MYBBP1A: variants seen among roughly 807,000 people sequenced by gnomAD.
The protein encoded by MYBBP1A is MYB binding protein 1a, also known as myb-binding protein 1A.
MYBBP1A carries 147 observed loss-of-function variants against 136.3 expected under a neutral mutation model. The observed-to-expected ratio is 1.08, with a 90% CI of 0.94 to 1.24. MYBBP1A has a LOEUF of 1.24. MYBBP1A is among the 50% of genes most tolerant of loss of function. The pLI, the probability that MYBBP1A is intolerant of heterozygous loss-of-function variation, is 0.00. For missense variants in MYBBP1A, 2,060 were observed against 1,727.4 expected (o/e 1.19, Z -3.41); for synonymous variants, 947 against 735.8 (o/e 1.29, Z -4.65).
intron 24 of MYBBP1A, among the ~76,000 whole-genome samples, chr17:4,541,080 CTGCCCTGA>C (rs1906373724): frequency 6.6e-6 from 1 of 152,270 alleles, no homozygotes; most frequent in Non-Finnish European, 1.5e-5. Flanking sequence ...CCTCCCAGCC[CTGCCCTGA>C]TGGCTGCCCA....
chr17:4,545,218 C>T (rs754807664), intron 16 of MYBBP1A, 41 bp downstream of exon 16: 13 of 1,612,908 alleles, frequency 8.1e-6, no homozygotes, highest in Non-Finnish European at 1.0e-5. Flanking sequence ...CCCCGATCGT[C>T]CCACTCCCCA....
intron 18 of MYBBP1A, 25 bp downstream of exon 18, chr17:4,544,725 TG>T: frequency 1.6e-6 from 1 of 628,908 alleles, no homozygotes; most frequent in Non-Finnish European, 2.4e-6. Context: ...GAGGCGGGGG[TG>T]GGTGCGGCCC....
intron 8 of MYBBP1A, among the ~76,000 whole-genome samples, chr17:4,551,479 C>T (rs1036126068): frequency 2.0e-5 from 3 of 152,298 alleles, no homozygotes; most frequent in Middle Eastern, 3.4e-3. Flanking sequence ...GAGGCCAAGG[C>T]GGGTGGATCA....
intron 14 of MYBBP1A, 37 bp from the exon 15 acceptor site, chr17:4,545,798 G>A (rs56038201): frequency 0.012 from 19,039 of 1,607,920 alleles, 162 homozygotes; most frequent in Non-Finnish European, 0.014. Context: ...ATAGGGGACC[G>A]CTGGCCCCAC....
Position 4,544,591 on chromosome 17 carries a change from A to G in MYBBP1A, c.2537T>C (p.Leu846Pro), listed in dbSNP as rs1307898898. The change falls in exon 19 of 26, where the codon CTG (leucine) becomes CCG (proline). Residue 846 changes from leucine to proline, a missense_variant. Physicochemically the swap from Leu to Pro is moderately conservative, Grantham distance 98 (BLOSUM62 -3). Transcript: ENST00000254718. Reference sequence around the variant, plus strand: ...GCTCAGCAGCGGCTCCAGCAGCTCCAGGACCAGGGCATTCTCGGGCTGCTT... The same window carrying G: ...GCTCAGCAGCGGCTCCAGCAGCTCCGGGACCAGGGCATTCTCGGGCTGCTT... ...VTKQPENALV[L>P]ELLEPLLSII... The G allele has an allele frequency of 1.3e-6, 2 of 1,581,274 alleles. No individual in the cohort carries two copies. The highest frequency in any genetic ancestry group is 8.6e-7 in the Non-Finnish European group (1 of 1,164,250).
In MYBBP1A at chr17:4,539,206, G is replaced by A. The variant is rs946211009; in HGVS notation, c.*209C>T. Reference sequence around the variant, plus strand: ...GGTCCCAGCCCAGAACCGGGGGTGGGGAGGTCTCTGCACCCTGGGACCCCT... The same window carrying A: ...GGTCCCAGCCCAGAACCGGGGGTGGAGAGGTCTCTGCACCCTGGGACCCCT... On this transcript the variant is annotated 3_prime_UTR_variant, in exon 26 of 26. Coordinates refer to ENST00000254718, the MANE Select transcript of MYBBP1A (RefSeq NM_014520.4). The A allele has an allele frequency of 4.1e-6, 6 of 1,454,688 alleles. No homozygotes were observed. The highest frequency in any genetic ancestry group is 1.5e-5 in the South Asian group (1 of 68,748). 90.1% of individuals were successfully genotyped at this position (1,454,688 alleles called of 1,614,324 possible).
Position 4,549,457 on chromosome 17 carries a change from G to A in MYBBP1A, c.1320-15C>T, listed in dbSNP as rs751578849. The A allele has an allele frequency of 4.3e-6, 7 of 1,609,224 alleles. No homozygotes were observed. The Admixed American group carries it at 1.2e-4, about 27-fold the overall frequency. On this transcript the variant is annotated splice_polypyrimidine_tract_variant and intron_variant, in intron 9 of 25. Coordinates refer to ENST00000254718, the MANE Select transcript of MYBBP1A (RefSeq NM_014520.4). ...CTCGCTCAGGCCTAGCGGGGCAGGA[G>A]GCGAGGTCATGTGAGCCACTTATAA...
chr17:4,554,011 G>C lies in MYBBP1A; in HGVS notation c.453+8C>G, dbSNP rs1395006841. 12 of 1,614,038 alleles carry C rather than the reference G, an allele frequency of 7.4e-6. No homozygotes were observed. The highest frequency in any genetic ancestry group is 1.0e-5 in the Non-Finnish European group (12 of 1,180,016). ...CCTACATTCCCCCAGTCCCTCCAAA[G>C]CTCTTACCTTCACCAGCCGACCTGA... On this transcript the variant is annotated splice_region_variant and intron_variant, in intron 4 of 25. Coordinates refer to ENST00000254718, the MANE Select transcript of MYBBP1A (RefSeq NM_014520.4).
chr17:4,551,561 T>C (rs1907501070), intron 8 of MYBBP1A, among the ~76,000 whole-genome samples: 1 of 152,098 alleles, frequency 6.6e-6, no homozygotes, highest in East Asian at 1.9e-4. Context: ...ATACAAAAAT[T>C]AGCTGGGCGT....
intron 17 of MYBBP1A, 40 bp downstream of exon 17, chr17:4,544,986 G>GCCCCGCCCCC: frequency 6.8e-7 from 1 of 1,464,174 alleles, no homozygotes; most frequent in Non-Finnish European, 9.1e-7. Context: ...GGACACCCGA[G>GCCCCGCCCCC]CCCTCCCCGG....
chr17:4,554,976 C>T lies in MYBBP1A; in HGVS notation c.199-20G>A, dbSNP rs1184689964. 6.2e-7 allele frequency: 1 copy of T among 1,612,786 alleles called. No individual in the cohort carries two copies. Among genetic ancestry groups the T allele is most frequent in the South Asian group, 1.1e-5 (1 of 91,034 alleles). ...GGACCCCTGCGGAACCAAGCACACC[C>T]TCGTGTTCAATGGTGACAACAAGGT... is the stretch of plus-strand genomic sequence containing the variant. On this transcript the variant is annotated intron_variant, in intron 1 of 25. Coordinates refer to ENST00000254718, the MANE Select transcript of MYBBP1A (RefSeq NM_014520.4).
Position 4,550,112 on chromosome 17 carries a change from A to G in MYBBP1A, c.1265T>C (p.Leu422Ser). ...AMFLQPDLDS[L>S]VDFSTNNQKK... ...CTGGTTGTTGGTGCTGAAGTCAACC[A>G]AGGAGTCCAGGTCTGGCTGGAGAAA... is the stretch of plus-strand genomic sequence containing the variant. Residue 422 changes from leucine (L) to serine (S), a missense_variant, in exon 9 of 26, where the codon TTG (leucine) becomes TCG (serine). Physicochemically the swap from Leu to Ser is moderately radical, Grantham distance 145. Transcript: ENST00000254718. 1 of 1,614,032 alleles carries G rather than the reference A, an allele frequency of 6.2e-7. No homozygotes were observed. The highest frequency in any genetic ancestry group is 1.7e-5 in the Admixed American group (1 of 60,024).
chr17:4,552,525 G>A lies in MYBBP1A; in HGVS notation c.663C>T (p.Ala221=). 6.8e-6 allele frequency: 11 copies of A among 1,613,980 alleles called. No homozygotes were observed. The highest frequency in any genetic ancestry group is 8.5e-6 in the Non-Finnish European group (10 of 1,180,038). Residue 221 remains alanine, a synonymous_variant, in exon 6 of 26, where the codon GCC becomes GCT. Coordinates refer to ENST00000254718, the MANE Select transcript of MYBBP1A (RefSeq NM_014520.4). This position sits in a 1 kb window ranked among gnomAD's most constrained non-coding sequence, Gnocchi z 4.7. ...SPEQLELFLL[A]QQKVPSKLKK... ...TGAGCTTGGAGGGCACCTTCTGCTG[G>A]GCCAGGAGGAAGAGCTCTAGCTGTT...
At chr17:4,546,308 G>C (rs1032359653) in intron 13 of MYBBP1A, among the ~76,000 whole-genome samples, 2 of 152,136 alleles carry the variant, frequency 1.3e-5, no homozygotes, top group Non-Finnish European at 2.9e-5. Flanking sequence ...GAGTAGAGAC[G>C]GGGTTTCACC....
In MYBBP1A at chr17:4,554,947, T is replaced by C. The variant is rs772471769; in HGVS notation, c.208A>G (p.Met70Val). The C allele has an allele frequency of 1.2e-6, 2 of 1,613,502 alleles. No individual in the cohort carries two copies. Among genetic ancestry groups the C allele is most frequent in the East Asian group, 2.2e-5 (1 of 44,870 alleles). The stretch of plus-strand genomic sequence containing the variant: ...ATTAGACGCTTCAGGGCATATTTCA[T>C]CTCGGACCCCTGCGGAACCAAGCAC... ...YLRGRPKGSE[M>V]KYALKRLITG... is the part of the protein sequence containing the mutation. Residue 70 changes from methionine to valine, a missense_variant, in exon 2 of 26, where the codon ATG (methionine) becomes GTG (valine). By Grantham distance (21) the Met-to-Val change is conservative. Transcript: ENST00000254718.
chr17:4,543,299 G>A (rs370300393), intron 19 of MYBBP1A, 134 bp from the exon 20 acceptor site: 2 of 1,290,762 alleles, frequency 1.5e-6, no homozygotes, highest in Non-Finnish European at 1.0e-6. Context: ...CCAGGCCACA[G>A]AGGAGGGCCC....
At chr17:4,541,600 A>T (rs770664046) in intron 23 of MYBBP1A, 36 bp from the exon 24 acceptor site, 50 of 1,590,240 alleles carry the variant, frequency 3.1e-5, no homozygotes, top group Non-Finnish European at 4.3e-5. Flanking sequence ...CACTCCGGAG[A>T]GCTGCTCAAA....
rs1567607829 is a variant in MYBBP1A at position 4,545,174 on chromosome 17, T to G, written c.2162A>C (p.Asp721Ala). 4 of 1,613,250 alleles carry G rather than the reference T, an allele frequency of 2.5e-6. No homozygotes were observed. Among genetic ancestry groups the G allele is most frequent in the Non-Finnish European group, 2.5e-6 (3 of 1,179,936 alleles). ...GTTGTCCTCACCTTCCTCGCTCTTG[T>G]CCTGTGTGGTAGAGGCAGGCGCGTC... ...SDERRLKGAE[D>A]KSEEGEDNRS... Residue 721 changes from aspartate (D) to alanine (A), a missense_variant and splice_region_variant, in exon 17 of 26, where the codon GAC becomes GCC. Physicochemically the swap from Asp to Ala is moderately radical, Grantham distance 126 (BLOSUM62 -2). Transcript: ENST00000254718.
At chr17:4,544,945 C>G in intron 17 of MYBBP1A, 24 bp from the exon 18 acceptor site, 1 of 1,586,092 alleles carries the variant, frequency 6.3e-7, no homozygotes, top group Non-Finnish European at 8.6e-7. Context: ...GCCCAGCGGT[C>G]AGCCAGGCCT....
Sources: allele counts gnomAD v4.1 joint callset (sites outside exome capture counted in the v4.1 genomes callset), GRCh38; gene constraint gnomAD v4.1.1; non-coding constraint Gnocchi (gnomAD v3.1); transcripts MANE v1.5; gene names NCBI Gene and HGNC (gene_info 2026-07-23, HGNC 2026-07-21).